Variants in ATG13 observed in about 807,000 individuals in gnomAD.
The protein encoded by ATG13 is autophagy related 13.
ATG13 carries 23 observed loss-of-function variants against 65.5 expected under a neutral mutation model. The observed-to-expected ratio is 0.35, with a 90% CI of 0.25 to 0.50. The LOEUF (loss-of-function observed/expected upper bound fraction) is 0.50. Among genes scored for constraint, ATG13 ranks in the 20% least tolerant of loss-of-function variants. The pLI is 0.98. For missense variants in ATG13, 566 were observed against 677.0 expected (o/e 0.84, Z 1.82); for synonymous variants, 252 against 245.2 (o/e 1.03, Z -0.26).
intron 1 of ATG13, among the ~76,000 whole-genome samples, chr11:46,622,615 GA>G (rs1344630984): frequency 6.6e-6 from 1 of 152,018 alleles, no homozygotes; most frequent in Non-Finnish European, 1.5e-5. Flanking sequence ...CTACTGAAGG[GA>G]AAAAAATATA....
chr11:46,663,947 T>TTTTTTTTTTTTTTTTTTTTTTTC, intron 11 of ATG13, 50 bp from the exon 12 acceptor site: 1 of 552,760 alleles, frequency 1.8e-6, no homozygotes, highest in Non-Finnish European at 2.5e-6. Context: ...TCCCTTTTCT[T>TTTTTTTTTTTTTTTTTTTTTTTC]TTTTTTTTTT....
intron 15 of ATG13, among the ~76,000 whole-genome samples, chr11:46,668,205 C>T (rs772844526): frequency 1.2e-4 from 19 of 152,214 alleles, no homozygotes; most frequent in Non-Finnish European, 2.1e-4. Flanking sequence ...GGAGGTTCCT[C>T]CTCAGCGGGG....
rs867453159 is a variant in ATG13, at chr11:46,673,600, C to G, written c.*1268C>G. 2 of 152,102 alleles carry G rather than the reference C, an allele frequency of 1.3e-5. No homozygotes were observed. Among genetic ancestry groups the G allele is most frequent in the African/African-American group, 4.8e-5 (2 of 41,392 alleles). The allele number at this position is 152,102 out of a possible 1,614,324, so 9.4% of individuals were successfully genotyped here. ...CTGCTTGGGCCTAGCTACCATCTCC[C>G]TCTAATCCCAGGTTCTCTACACTGC... On this transcript the variant is annotated 3_prime_UTR_variant, in exon 19 of 19. Transcript: ENST00000683050.
At chr11:46,666,426 GT>G (rs2062373964) in intron 14 of ATG13, among the ~76,000 whole-genome samples, 1 of 152,172 alleles carries the variant, frequency 6.6e-6, no homozygotes, top group South Asian at 2.1e-4. Flanking sequence ...TTTCTGCTGT[GT>G]CAGAGCCTCA....
rs1270834165 is a variant in ATG13 at position 46,617,804 on chromosome 11, C to G, written c.-156C>G. 4.3e-5 allele frequency: 17 copies of G among 399,156 alleles called. No homozygotes were observed. Among genetic ancestry groups the G allele is most frequent in the Non-Finnish European group, 7.1e-5 (16 of 226,258 alleles). 24.7% of individuals were successfully genotyped at this position (399,156 alleles called of 1,614,324 possible). ...CACTGCAGCTCCGGAGCGCGGAACC[C>G]TCAGCCAGGAGGCGCGGCTGGTCGG... On this transcript the variant is annotated 5_prime_UTR_variant, in exon 1 of 19. Transcript: ENST00000683050.
intron 11 of ATG13, among the ~76,000 whole-genome samples, chr11:46,663,253 G>A (rs1020560728): frequency 1.4e-4 from 14 of 98,828 alleles, no homozygotes; most frequent in African/African-American, 5.8e-4. Flanking sequence ...GCGACAGAGT[G>A]AGACTCCATC....
intron 11 of ATG13, among the ~76,000 whole-genome samples, chr11:46,660,703 C>T (rs1260468225): frequency 4.0e-5 from 6 of 150,402 alleles, no homozygotes; most frequent in East Asian, 2.0e-4. Flanking sequence ...CCACTGCGCC[C>T]GGCCTTTTTT....
chr11:46,648,847 G>T, intron 5 of ATG13: 1 of 215,796 alleles, frequency 4.6e-6, no homozygotes, highest in Non-Finnish European at 9.0e-6. Flanking sequence ...AGGACTGGTT[G>T]GATAAAATGA....
chr11:46,645,099 C>T (rs1404085679), intron 3 of ATG13, among the ~76,000 whole-genome samples: 5 of 152,148 alleles, frequency 3.3e-5, no homozygotes, highest in Non-Finnish European at 7.4e-5. Context: ...CAAGCCTCAA[C>T]CTGTAATTCC....
At position 46,645,937 on chromosome 11, in the gene ATG13, T is replaced by C; in HGVS notation, c.218T>C (p.Leu73Pro). The change falls in exon 5 of 19, where the codon CTG (leucine) becomes CCG (proline). Residue 73 changes from leucine (L) to proline (P), a missense_variant. This residue lies in a region of ATG13 where 179 missense variants were observed against 267.2 expected (regional missense o/e 0.67). Transcript: ENST00000683050. ...GCAAAGAAGGCACTGGCAGGACAGC[T>C]GCCTGCAGTCGGGAGGTCCATGTGT... ...HEAKKALAGQLPAVGRSMCVE... is the reference protein window; with the variant it reads ...HEAKKALAGQPPAVGRSMCVE... 1 of 1,614,222 alleles carries C rather than the reference T, an allele frequency of 6.2e-7. No individual in the cohort carries two copies. Among genetic ancestry groups the C allele is most frequent in the Non-Finnish European group, 8.5e-7 (1 of 1,180,032 alleles).
chr11:46,669,925 CAG>C (rs1846795584), intron 18 of ATG13, among the ~76,000 whole-genome samples: 1 of 152,132 alleles, frequency 6.6e-6, no homozygotes, highest in Non-Finnish European at 1.5e-5. Context: ...GCTCTTTCCT[CAG>C]AGAGCTCACT....
rs562250590 is a variant in ATG13 at position 46,618,741 on chromosome 11, T to A, written c.-70+851T>A. On this transcript the variant is annotated intron_variant, in intron 1 of 18. Transcript: ENST00000683050. ...GCATGTAGTGGCTCCAGCTCAATTATGAGGTTTTTTTTTTGTTGTTTTCAA... is the reference window on the plus strand; with the variant it reads ...GCATGTAGTGGCTCCAGCTCAATTAAGAGGTTTTTTTTTTGTTGTTTTCAA... Among the ~76,000 whole-genome samples the A allele has an allele frequency of 2.0e-5, 3 of 152,120 alleles. No individual in the cohort carries two copies. The East Asian group carries it at 5.8e-4, about 29-fold the overall frequency.
In ATG13 at chr11:46,627,574, G is replaced by A. The variant is rs569521577; in HGVS notation, c.-69-2471G>A. Among the ~76,000 whole-genome samples, 10 of 151,592 alleles carry A rather than the reference G, an allele frequency of 6.6e-5. 1 individual carries two copies. The highest frequency in any genetic ancestry group is 2.0e-4 in the East Asian group (1 of 5,070). ...CGACCTTCGCCTCCTGGGTTCAAGC[G>A]ATTCTCCTGCCTCAGCCTCCCAAGT... On this transcript the variant is annotated intron_variant, in intron 1 of 18. Transcript: ENST00000683050.
intron 7 of ATG13, among the ~76,000 whole-genome samples, chr11:46,652,960 C>T (rs995144789): frequency 6.6e-6 from 1 of 151,988 alleles, no homozygotes; most frequent in Non-Finnish European, 1.5e-5. Context: ...AGGACACAGC[C>T]ATCCCCTTTG....
At chr11:46,660,803 G>C (rs1005999119) in intron 11 of ATG13, among the ~76,000 whole-genome samples, 1 of 151,732 alleles carries the variant, frequency 6.6e-6, no homozygotes, top group Non-Finnish European at 1.5e-5. Flanking sequence ...AGACCTCCCA[G>C]GGTCAGGTGA....
intron 18 of ATG13, among the ~76,000 whole-genome samples, chr11:46,670,508 C>T (rs2063482392): frequency 6.8e-6 from 1 of 146,824 alleles, no homozygotes; most frequent in East Asian, 2.1e-4. Flanking sequence ...GTAATAATTA[C>T]TACTACCAAG....
chr11:46,644,320 G>A lies in ATG13; in HGVS notation c.29G>A (p.Arg10Lys). METDLNSQD[R>K]KDLDKFIKFF... is the part of the protein sequence containing the mutation. The stretch of plus-strand genomic sequence containing the variant: ...GAAACTGATCTCAATTCCCAGGACA[G>A]AAAGGACCTGGACAAGTTTATTAAA... Residue 10 changes from arginine to lysine, a missense_variant, in exon 3 of 19, where the codon AGA becomes AAA. Physicochemically the swap from Arg to Lys is conservative, Grantham distance 26. This residue lies in a region of ATG13 where 179 missense variants were observed against 267.2 expected (regional missense o/e 0.67). Coordinates refer to ENST00000683050, the MANE Select transcript of ATG13 (RefSeq NM_001346311.2). 1 of 1,610,626 alleles carries A rather than the reference G, an allele frequency of 6.2e-7. No individual in the cohort carries two copies. The highest frequency in any genetic ancestry group is 1.1e-5 in the South Asian group (1 of 90,338).
chr11:46,650,395 G>A (rs2058651831), intron 7 of ATG13, 78 bp downstream of exon 7: 1 of 1,528,252 alleles, frequency 6.5e-7, no homozygotes, highest in South Asian at 1.2e-5. Context: ...TAGATGTTCT[G>A]TGATGATGTT....
chr11:46,627,959 A>G (rs1053695722), intron 1 of ATG13, among the ~76,000 whole-genome samples: 30 of 151,196 alleles, frequency 2.0e-4, no homozygotes, highest in Admixed American at 1.6e-3. Flanking sequence ...GTGGCATGCT[A>G]GTAGTCCCAG....
Sources: gnomAD v4.1 joint callset for allele counts (sites outside exome capture counted in the v4.1 genomes callset) on GRCh38, gnomAD v4.1.1 for gene constraint, gnomAD v4.1.1 regional missense constraint, MANE v1.5 for transcripts, NCBI Gene and HGNC (gene_info 2026-07-23, HGNC 2026-07-21) for gene names.